ITGBL1: variants seen among roughly 807,000 people sequenced by gnomAD.
The protein encoded by ITGBL1 is integrin subunit beta like 1.
A neutral mutation model predicts 68.5 loss-of-function variants in ITGBL1; 51 were observed. That is an observed-to-expected ratio of 0.74 (90% CI 0.59 to 0.94). ITGBL1 has a LOEUF of 0.94. Ranked by LOEUF, ITGBL1 falls within the 40% of genes least tolerant of loss-of-function variation. The pLI, the probability that ITGBL1 is intolerant of heterozygous loss-of-function variation, is 0.00. For synonymous variants in ITGBL1, 209 were observed against 227.3 expected, an observed-to-expected ratio of 0.92 and a Z score of 0.72; for missense variants, 649 against 647.4, an observed-to-expected ratio of 1.00 and a Z score of -0.03.
intron 2 of ITGBL1, among the ~76,000 whole-genome samples, chr13:101,553,548 G>A (rs978860338): frequency 3.3e-5 from 5 of 152,218 alleles, no homozygotes; most frequent in Middle Eastern, 6.8e-3. Flanking sequence ...TGCCACAAAC[G>A]GGATGGTTTT....
chr13:101,647,018 G>A (rs1157215192), intron 7 of ITGBL1, among the ~76,000 whole-genome samples: 1 of 152,024 alleles, frequency 6.6e-6, no homozygotes, highest in African/African-American at 2.4e-5. Context: ...GTACAATTAT[G>A]TATTACTCTT....
chr13:101,662,018 C>A (rs1353527625), intron 7 of ITGBL1, among the ~76,000 whole-genome samples: 1 of 152,134 alleles, frequency 6.6e-6, no homozygotes, highest in African/African-American at 2.4e-5. Flanking sequence ...TCCAACATCG[C>A]TTTTTATGTG....
chr13:101,665,939 C>A (rs2033204845), intron 7 of ITGBL1, among the ~76,000 whole-genome samples: 1 of 152,160 alleles, frequency 6.6e-6, no homozygotes, highest in Non-Finnish European at 1.5e-5. Flanking sequence ...TGGACGGACA[C>A]TGGCTTTGTT....
intron 6 of ITGBL1, among the ~76,000 whole-genome samples, chr13:101,588,809 T>C (rs542863398): frequency 6.6e-6 from 1 of 152,312 alleles, no homozygotes; most frequent in East Asian, 1.9e-4. Flanking sequence ...TTCATCTTCT[T>C]GACTTTATCT....
In ITGBL1 at chr13:101,692,672, G is replaced by A. The variant is rs763986594; in HGVS notation, c.1103G>A (p.Cys368Tyr). 6.2e-7 allele frequency: 1 copy of A among 1,613,508 alleles called. No individual in the cohort carries two copies. The highest frequency in any genetic ancestry group is 1.3e-5 in the African/African-American group (1 of 75,024). ...ACTTGTGAGTGTGATGATCGCCGCT[G>A]TGAAGACCTCGATGGTGTGGTCTGT... The part of the protein sequence containing the change: ...GKTCECDDRR[C>Y]EDLDGVVCGG... The change falls in exon 8 of 11, where the codon TGT becomes TAT. Residue 368 changes from cysteine to tyrosine, a missense_variant. Transcript: ENST00000376180.
intron 7 of ITGBL1, among the ~76,000 whole-genome samples, chr13:101,691,474 A>G (rs1227438974): frequency 6.6e-6 from 1 of 152,188 alleles, no homozygotes. Context: ...AAGTTCAGCA[A>G]CAGAGTGACT....
chr13:101,464,314 A>G (rs1358663024), intron 2 of ITGBL1, among the ~76,000 whole-genome samples: 1 of 151,628 alleles, frequency 6.6e-6, no homozygotes, highest in African/African-American at 2.4e-5. Context: ...AATAATGTTC[A>G]TTTTTCACAA....
intron 7 of ITGBL1, among the ~76,000 whole-genome samples, chr13:101,603,093 C>G (rs2030489772): frequency 1.3e-5 from 2 of 152,094 alleles, no homozygotes; most frequent in African/African-American, 4.8e-5. Context: ...GGGTCTGTAT[C>G]TGTGAGTGGA....
chr13:101,519,429 C>T (rs961615204), intron 2 of ITGBL1, among the ~76,000 whole-genome samples: 66 of 152,184 alleles, frequency 4.3e-4, no homozygotes, highest in African/African-American at 1.3e-3. Context: ...CTATTGGCTA[C>T]GGTACTGCCA....
intron 3 of ITGBL1, among the ~76,000 whole-genome samples, chr13:101,571,521 G>A (rs963048312): frequency 2.6e-5 from 4 of 151,970 alleles, no homozygotes; most frequent in African/African-American, 9.7e-5. Flanking sequence ...ATTTTATAAT[G>A]TATAGTACAC....
At chr13:101,714,283 T>A (rs1341634913) in intron 9 of ITGBL1, 155 bp from the exon 10 acceptor site, 1 of 624,296 alleles carries the variant, frequency 1.6e-6, no homozygotes, top group Non-Finnish European at 2.9e-6. Flanking sequence ...TTACAGTAAG[T>A]AAAGCTCCCC....
At chr13:101,621,409 C>T (rs2031577844) in intron 7 of ITGBL1, among the ~76,000 whole-genome samples, 1 of 152,086 alleles carries the variant, frequency 6.6e-6, no homozygotes, top group Admixed American at 6.6e-5. Flanking sequence ...GACATTCCAG[C>T]AAAATGAAAA....
chr13:101,591,333 C>G (rs1488193969), intron 6 of ITGBL1, among the ~76,000 whole-genome samples: 1 of 152,150 alleles, frequency 6.6e-6, no homozygotes, highest in Non-Finnish European at 1.5e-5. Context: ...ATTCATATGT[C>G]ATGTATGTTT....
intron 2 of ITGBL1, among the ~76,000 whole-genome samples, chr13:101,464,862 A>G (rs1412191280): frequency 6.6e-6 from 1 of 152,192 alleles, no homozygotes; most frequent in Non-Finnish European, 1.5e-5. Flanking sequence ...CACTACCTGC[A>G]GATCGAAGTC....
At chr13:101,637,977 C>T (rs1002584354) in intron 7 of ITGBL1, among the ~76,000 whole-genome samples, 1 of 152,104 alleles carries the variant, frequency 6.6e-6, no homozygotes, top group Non-Finnish European at 1.5e-5. Flanking sequence ...AAGTAATACT[C>T]TACTTGAAAG....
chr13:101,629,144 A>G (rs1004828821), intron 7 of ITGBL1, among the ~76,000 whole-genome samples: 3 of 152,134 alleles, frequency 2.0e-5, no homozygotes, highest in African/African-American at 7.2e-5. Context: ...TATGCTTGAT[A>G]AATCTTTGAC....
intron 8 of ITGBL1, among the ~76,000 whole-genome samples, chr13:101,695,712 A>C (rs1297656603): frequency 6.6e-6 from 1 of 152,124 alleles, no homozygotes; most frequent in Non-Finnish European, 1.5e-5. Context: ...GGGTCAAGAG[A>C]CTAACAAAAC....
intron 1 of ITGBL1, 144 bp downstream of exon 1, chr13:101,453,075 CCTT>C (rs1295258154): frequency 9.3e-6 from 6 of 645,892 alleles, no homozygotes; most frequent in South Asian, 7.5e-5. Context: ...CTTTTCCTCT[CCTT>C]ATATCTACAG....
At chr13:101,687,932 A>G (rs1191016656) in intron 7 of ITGBL1, among the ~76,000 whole-genome samples, 1 of 152,080 alleles carries the variant, frequency 6.6e-6, no homozygotes, top group Non-Finnish European at 1.5e-5. Flanking sequence ...ATAAAGTAGC[A>G]CAGTGCTAGA....
Sources: allele counts gnomAD v4.1 joint callset (sites outside exome capture counted in the v4.1 genomes callset), GRCh38; gene constraint gnomAD v4.1.1; transcripts MANE v1.5; gene names NCBI Gene and HGNC (gene_info 2026-07-23, HGNC 2026-07-21).